FBXL5: variants seen among roughly 807,000 people sequenced by gnomAD.
The protein encoded by FBXL5 is F-box/LRR-repeat protein 5.
Under a neutral mutation model 78.3 loss-of-function variants are expected in FBXL5, and 26 were observed. That is an observed-to-expected ratio of 0.33 (90% CI 0.24 to 0.46). The LOEUF is 0.46. Ranked by LOEUF, FBXL5 falls within the 20% of genes least tolerant of loss-of-function variation. FBXL5 has a pLI of 1.00. For missense variants in FBXL5, 710 were observed against 829.2 expected (o/e 0.86, Z 1.77); for synonymous variants, 295 against 282.5 (o/e 1.04, Z -0.45).
At chr4:15,609,455 C>G (rs897959542) in intron 10 of FBXL5, among the ~76,000 whole-genome samples, 1 of 151,850 alleles carries the variant, frequency 6.6e-6, no homozygotes, top group Non-Finnish European at 1.5e-5. Context: ...CTGCACTTAC[C>G]TTCACTTACC....
At chr4:15,654,253 T>TAA (rs1716536148) in intron 1 of FBXL5, among the ~76,000 whole-genome samples, 1 of 152,236 alleles carries the variant, frequency 6.6e-6, no homozygotes, top group Admixed American at 6.5e-5. Flanking sequence ...ATGCTTTATT[T>TAA]AGTTGGATCA....
intron 1 of FBXL5, among the ~76,000 whole-genome samples, chr4:15,676,232 G>A (rs193065544): frequency 6.6e-6 from 1 of 152,312 alleles, no homozygotes; most frequent in East Asian, 1.9e-4. Context: ...CTGATATGAT[G>A]CAATAGGATG....
rs777776661 is a variant in FBXL5 at position 15,636,580 on chromosome 4, C to T, written c.680G>A (p.Arg227Gln). Residue 227 changes from arginine to glutamine, a missense_variant, in exon 5 of 11, where the codon CGA (arginine) becomes CAA (glutamine). By Grantham distance (43) the Arg-to-Gln change is conservative. Transcript: ENST00000341285. The stretch of plus-strand genomic sequence containing the variant: ...CCATTTCATGCTTACTTGACTGCAT[C>T]GACATAACTCTTGAGGATTAAGATA... ...FSYLNPQELC[R>Q]CSQVSMKWSQ... 29 of 1,613,818 alleles carry T rather than the reference C, an allele frequency of 1.8e-5. No individual in the cohort carries two copies. The highest frequency in any genetic ancestry group is 2.7e-5 in the African/African-American group (2 of 74,902).
At position 15,625,614 on chromosome 4, in the gene FBXL5, C is replaced by G. The variant is rs1712965282; in HGVS notation, c.1488G>C (p.Trp496Cys). The G allele has an allele frequency of 1.2e-6, 2 of 1,614,188 alleles. No homozygotes were observed. The highest frequency in any genetic ancestry group is 1.7e-6 in the Non-Finnish European group (2 of 1,180,022). The change falls in exon 9 of 11, where the codon TGG becomes TGC. Residue 496 changes from tryptophan to cysteine, a missense_variant. Trp to Cys is a radical substitution (Grantham distance 215, BLOSUM62 -2). Around this residue, in one of 4 missense-constraint regions of FBXL5, gnomAD observed 517 missense variants for 542.9 expected, o/e 0.95. Transcript: ENST00000341285. ...DLADIEDTVEWRHRNVESLCV... is the reference protein window; with the variant it reads ...DLADIEDTVECRHRNVESLCV... ...AAAGACTTTCAACATTTCTATGTCTCCATTCCACAGTATCTTCAATATCAG... is the reference window on the plus strand; with the variant it reads ...AAAGACTTTCAACATTTCTATGTCTGCATTCCACAGTATCTTCAATATCAG...
At chr4:15,673,764 T>A (rs916104929) in intron 1 of FBXL5, among the ~76,000 whole-genome samples, 1 of 152,212 alleles carries the variant, frequency 6.6e-6, no homozygotes, top group African/African-American at 2.4e-5. Flanking sequence ...CTCTCTCCCT[T>A]CTAGCAAACT....
At chr4:15,648,502 G>A (rs1715603039) in intron 1 of FBXL5, among the ~76,000 whole-genome samples, 6 of 152,024 alleles carry the variant, frequency 3.9e-5, no homozygotes, top group Admixed American at 3.9e-4. Context: ...CCACAAATGA[G>A]TAAAGAAAAT....
intron 1 of FBXL5, among the ~76,000 whole-genome samples, chr4:15,645,309 A>T (rs1715245176): frequency 6.6e-6 from 1 of 152,178 alleles, no homozygotes; most frequent in African/African-American, 2.4e-5. Flanking sequence ...CTTCTATAAA[A>T]AGTAGTGCGG....
chr4:15,634,355 ATTT>A (rs35206354), intron 5 of FBXL5, among the ~76,000 whole-genome samples: 42,596 of 150,722 alleles, frequency 0.28, 6,187 homozygotes, highest in East Asian at 0.47. Flanking sequence ...TGTCTGACTA[ATTT>A]TTTTTCTTTT....
upstream of FBXL5, among the ~76,000 whole-genome samples, chr4:15,663,226 A>G (rs1717395302): frequency 6.6e-6 from 1 of 152,216 alleles, no homozygotes. Context: ...ATACATTGAT[A>G]ATAGTCATTC....
intron 6 of FBXL5, among the ~76,000 whole-genome samples, chr4:15,630,076 T>G (rs1449126037): frequency 6.6e-6 from 1 of 152,188 alleles, no homozygotes; most frequent in Non-Finnish European, 1.5e-5. Flanking sequence ...AAATTATGTT[T>G]TCTAAATTCT....
chr4:15,642,067 T>C (rs1470424314), intron 2 of FBXL5, among the ~76,000 whole-genome samples: 3 of 151,792 alleles, frequency 2.0e-5, no homozygotes, highest in South Asian at 4.2e-4. Context: ...TAAGGTCATA[T>C]ATATCAATAT....
intron 4 of FBXL5, among the ~76,000 whole-genome samples, chr4:15,637,781 A>G (rs1452561273): frequency 6.6e-6 from 1 of 152,158 alleles, no homozygotes; most frequent in East Asian, 1.9e-4. Context: ...TTTGTTAAAT[A>G]AAAATAAAAG....
At position 15,680,852 on chromosome 4, in the gene FBXL5, A is replaced by T. The variant is rs533094906; in HGVS notation, c.-284+531T>A. On this transcript the variant is annotated intron_variant, in intron 1 of 4. Transcript: ENST00000507899. ...TGTTTCCCTGTTTAAGGTAGAATTT[A>T]AAAAAAAACTATATATGACATATAT... Among the ~76,000 whole-genome samples the T allele has an allele frequency of 9.9e-4, 147 of 149,238 alleles. No individual in the cohort carries two copies. The Middle Eastern group carries it at 0.024, about 24-fold the overall frequency.
chr4:15,669,013 A>G (rs1239999445), intron 1 of FBXL5, among the ~76,000 whole-genome samples: 1 of 152,238 alleles, frequency 6.6e-6, no homozygotes, highest in East Asian at 1.9e-4. Flanking sequence ...TAAGCTGCAT[A>G]ACACTTGTAG....
chr4:15,614,128 T>C (rs1400631519), intron 9 of FBXL5, among the ~76,000 whole-genome samples: 1 of 152,208 alleles, frequency 6.6e-6, no homozygotes, highest in Non-Finnish European at 1.5e-5. Flanking sequence ...CCCACAAGCA[T>C]GTTCCCTTGA....
chr4:15,661,727 G>C (rs1362742965), upstream of FBXL5, among the ~76,000 whole-genome samples: 1 of 152,082 alleles, frequency 6.6e-6, no homozygotes, highest in African/African-American at 2.4e-5. Flanking sequence ...AACTTAAATG[G>C]CTTTATTATT....
intron 1 of FBXL5, among the ~76,000 whole-genome samples, chr4:15,648,361 T>C (rs772793433): frequency 2.6e-5 from 4 of 152,156 alleles, no homozygotes; most frequent in Non-Finnish European, 5.9e-5. Context: ...TTTCATAAGT[T>C]CCAGCAATCC....
chr4:15,614,814 C>T (rs995314208), intron 9 of FBXL5, among the ~76,000 whole-genome samples: 2 of 152,172 alleles, frequency 1.3e-5, no homozygotes, highest in Non-Finnish European at 2.9e-5. Context: ...ACTTTGGCGG[C>T]ATTTGAGGAG....
intron 10 of FBXL5, among the ~76,000 whole-genome samples, chr4:15,611,529 T>A (rs1297468054): frequency 6.6e-6 from 1 of 152,110 alleles, no homozygotes; most frequent in Non-Finnish European, 1.5e-5. Flanking sequence ...CTTTTTATGC[T>A]TCTGGGAAAT....
Sources: allele counts gnomAD v4.1 joint callset (sites outside exome capture counted in the v4.1 genomes callset), GRCh38; gene constraint gnomAD v4.1.1; regional missense constraint gnomAD v4.1.1; transcripts MANE v1.5; gene names NCBI Gene and HGNC (gene_info 2026-07-23, HGNC 2026-07-21).